CSGALNACT2: variants seen among roughly 807,000 people sequenced by gnomAD.
CSGALNACT2 encodes the protein beta 4 GalNAcT-2.
In CSGALNACT2, 35 loss-of-function variants were observed where a neutral mutation model predicts 55.3. The ratio of observed to expected loss-of-function variants is 0.63; its 90% CI spans 0.48 to 0.84. The LOEUF (loss-of-function observed/expected upper bound fraction) is 0.84, where lower values mean the gene tolerates loss of function less well. CSGALNACT2 is among the 40% of genes least tolerant of loss of function. The pLI is 0.00. For missense variants in CSGALNACT2, 544 were observed against 657.5 expected, an observed-to-expected ratio of 0.83 and a Z score of 1.89; for synonymous variants, 196 against 224.9, an observed-to-expected ratio of 0.87 and a Z score of 1.15.
At chr10:43,181,580 A>G (rs988305010) in intron 7 of CSGALNACT2, among the ~76,000 whole-genome samples, 28 of 151,930 alleles carry the variant, frequency 1.8e-4, no homozygotes, top group African/African-American at 6.0e-4. Context: ...TCCCCAGATT[A>G]TTGTCCATCC....
At position 43,160,598 on chromosome 10, in the gene CSGALNACT2, T is replaced by G. The variant is rs1839124657; in HGVS notation, c.980+3T>G. ...TCTATCCTAGAATCTGTCACCAGGT[T>G]GGTGAACCACATCTGCAGTGAAGGC... On this transcript the variant is annotated splice_donor_region_variant and intron_variant, in intron 4 of 7. Coordinates refer to ENST00000374466, the MANE Select transcript of CSGALNACT2 (RefSeq NM_018590.5). 7.2e-7 allele frequency: 1 copy of G among 1,381,964 alleles called. No homozygotes were observed. The highest frequency in any genetic ancestry group is 1.0e-6 in the Non-Finnish European group (1 of 969,794). 85.6% of individuals were successfully genotyped at this position (1,381,964 alleles called of 1,614,324 possible).
At chr10:43,147,341 T>C (rs1838779585) in intron 1 of CSGALNACT2, among the ~76,000 whole-genome samples, 1 of 56,400 alleles carries the variant, frequency 1.8e-5, no homozygotes. Context: ...TGAGTTGTGT[T>C]TGTTATTATT....
chr10:43,155,209 T>A lies in CSGALNACT2; in HGVS notation c.60T>A (p.Ala20=). 6.2e-7 allele frequency: 1 copy of A among 1,614,192 alleles called. No individual in the cohort carries two copies. The highest frequency in any genetic ancestry group is 8.5e-7 in the Non-Finnish European group (1 of 1,180,030). Residue 20 remains alanine, a synonymous_variant, in exon 2 of 8, where the codon GCT becomes GCA. Transcript: ENST00000374466. The stretch of plus-strand genomic sequence containing the variant: ...CCCACTGGTTGCTGTTGGGCCTTGC[T>A]TTGCTCTGCAGTTTGGTATTATTTA... ...TRTHWLLLGL[A]LLCSLVLFMY... is the part of the protein sequence containing the mutation.
intron 1 of CSGALNACT2, among the ~76,000 whole-genome samples, chr10:43,144,042 G>A (rs1391394057): frequency 1.3e-5 from 2 of 152,120 alleles, no homozygotes; most frequent in Non-Finnish European, 2.9e-5. Context: ...GACTGGTTAT[G>A]TTTTCCAAAT....
intron 1 of CSGALNACT2, among the ~76,000 whole-genome samples, chr10:43,148,727 G>A (rs1014626623): frequency 6.6e-6 from 1 of 151,602 alleles, no homozygotes; most frequent in Non-Finnish European, 1.5e-5. Flanking sequence ...TTTGTATATC[G>A]ATATTGTATC....
chr10:43,143,148 C>G (rs943409124), intron 1 of CSGALNACT2, among the ~76,000 whole-genome samples: 1 of 152,210 alleles, frequency 6.6e-6, no homozygotes, highest in South Asian at 2.1e-4. Context: ...TTCAGGCCAT[C>G]TGGCTCCCAA....
chr10:43,180,228 G>C (rs1839564012), intron 7 of CSGALNACT2, among the ~76,000 whole-genome samples: 1 of 152,008 alleles, frequency 6.6e-6, no homozygotes, highest in African/African-American at 2.4e-5. Flanking sequence ...CTTTCTTCCT[G>C]GTATTCCCAT....
intron 6 of CSGALNACT2, among the ~76,000 whole-genome samples, chr10:43,173,947 T>G (rs1400571852): frequency 1.3e-5 from 2 of 152,130 alleles, no homozygotes; most frequent in Admixed American, 6.5e-5. Flanking sequence ...GAGCCAAGAT[T>G]GTGCCACTGC....
At chr10:43,179,527 T>G (rs1054661255) in intron 7 of CSGALNACT2, among the ~76,000 whole-genome samples, 7 of 152,170 alleles carry the variant, frequency 4.6e-5, no homozygotes, top group Non-Finnish European at 7.4e-5. Context: ...TATCCTAGGA[T>G]GGCATTGGAT....
intron 6 of CSGALNACT2, among the ~76,000 whole-genome samples, chr10:43,168,240 C>T (rs1256053741): frequency 6.6e-6 from 1 of 152,100 alleles, no homozygotes; most frequent in Admixed American, 6.5e-5. Flanking sequence ...ATCACAAGGT[C>T]AGGAGTTCGA....
At chr10:43,163,220 G>C (rs756454614) in intron 4 of CSGALNACT2, 1 of 984,454 alleles carries the variant, frequency 1.0e-6, no homozygotes, top group African/African-American at 1.7e-5. Flanking sequence ...AGACATGAGC[G>C]ATGTATTTTT....
Position 43,175,939 on chromosome 10 carries a change from T to C in CSGALNACT2, c.1255-12T>C, listed in dbSNP as rs777390040. ...AATTAAATTGTTTTCTGTTTTTTTT[T>C]TTTTAACTAAGGTTCACAAAAAGGA... is the stretch of plus-strand genomic sequence containing the variant. On this transcript the variant is annotated splice_polypyrimidine_tract_variant and intron_variant, in intron 6 of 7. Transcript: ENST00000374466. 6 of 1,590,452 alleles carry C rather than the reference T, an allele frequency of 3.8e-6. No homozygotes were observed. Among genetic ancestry groups the C allele is most frequent in the Non-Finnish European group, 3.4e-6 (4 of 1,173,666 alleles).
At position 43,155,326 on chromosome 10, in the gene CSGALNACT2, C is replaced by T. The variant is rs1430851073; in HGVS notation, c.177C>T (p.Ala59=). The T allele has an allele frequency of 6.2e-7, 1 of 1,614,002 alleles. No homozygotes were observed. Among genetic ancestry groups the T allele is most frequent in the East Asian group, 2.2e-5 (1 of 44,898 alleles). Reference sequence around the variant, plus strand: ...ATTATGGTAAAGAGTATTATCAAGCCCTCCTACAGGAACAAGAAGAACATT... The same window carrying T: ...ATTATGGTAAAGAGTATTATCAAGCTCTCCTACAGGAACAAGAAGAACATT... ...GENYGKEYYQ[A]LLQEQEEHYQ... is the part of the protein sequence containing the mutation. Residue 59 remains alanine, a synonymous_variant, in exon 2 of 8, where the codon GCC becomes GCT. Coordinates refer to ENST00000374466, the MANE Select transcript of CSGALNACT2 (RefSeq NM_018590.5).
At chr10:43,145,005 T>C (rs186183523) in intron 1 of CSGALNACT2, among the ~76,000 whole-genome samples, 1 of 152,348 alleles carries the variant, frequency 6.6e-6, no homozygotes, top group East Asian at 1.9e-4. Context: ...TGCTAAGCAG[T>C]GTTCCATTGT....
Position 43,143,555 on chromosome 10 carries a change from T to C in CSGALNACT2, c.-254+4988T>C, listed in dbSNP as rs976233913. On this transcript the variant is annotated intron_variant, in intron 1 of 7. Transcript: ENST00000374466. ...TGTGTGTGGAATCATAATAAAGGAA[T>C]CATAATATCTTGGAAGGAACATTGA... 7.3e-5 allele frequency among the ~76,000 whole-genome samples: 11 copies of C among 149,862 alleles called. 1 individual carries two copies. The highest frequency in any genetic ancestry group is 7.3e-4 in the Admixed American group (11 of 15,018).
chr10:43,162,460 A>G lies in CSGALNACT2; in HGVS notation c.981-1406A>G. On this transcript the variant is annotated intron_variant, in intron 4 of 7. Transcript: ENST00000374466. ...GGCAGAGAGTGAGGGGTATTCTGTG[A>G]TCAGTGCCTCCACTTGATGCTGAGT... The G allele has an allele frequency of 1.5e-5, 15 of 985,402 alleles. No individual in the cohort carries two copies. In the South Asian group the frequency reaches 7.0e-4, roughly 46 times the overall value. 61.0% of individuals were successfully genotyped at this position (985,402 alleles called of 1,614,324 possible).
intron 7 of CSGALNACT2, among the ~76,000 whole-genome samples, chr10:43,178,916 CT>C (rs1271059957): frequency 1.3e-5 from 2 of 152,036 alleles, no homozygotes; most frequent in Non-Finnish European, 2.9e-5. Flanking sequence ...TCTCTTCATT[CT>C]TTTCTCCCTC....
At chr10:43,177,096 C>G (rs1000098706) in intron 7 of CSGALNACT2, among the ~76,000 whole-genome samples, 4 of 152,116 alleles carry the variant, frequency 2.6e-5, no homozygotes, top group African/African-American at 9.7e-5. Context: ...CATTGTAACA[C>G]TTGAATAATG....
Position 43,184,220 on chromosome 10 carries a change from A to G in CSGALNACT2, c.*678A>G, listed in dbSNP as rs1839648620. ...AATATGTTATTACATTATCATGTTCAGGATTAGGATTAGTAGTCAGTTGCT... is the reference window on the plus strand; with the variant it reads ...AATATGTTATTACATTATCATGTTCGGGATTAGGATTAGTAGTCAGTTGCT... On this transcript the variant is annotated 3_prime_UTR_variant, in exon 8 of 8. Transcript: ENST00000374466. 1 of 152,276 alleles carries G rather than the reference A, an allele frequency of 6.6e-6. No homozygotes were observed. Among genetic ancestry groups the G allele is most frequent in the Non-Finnish European group, 1.5e-5 (1 of 68,090 alleles). 9.4% of individuals were successfully genotyped at this position (152,276 alleles called of 1,614,324 possible).
Sources: allele counts gnomAD v4.1 joint callset (sites outside exome capture counted in the v4.1 genomes callset), GRCh38; gene constraint gnomAD v4.1.1; transcripts MANE v1.5; gene names NCBI Gene and HGNC (gene_info 2026-07-23, HGNC 2026-07-21).